The following BRPF3 variants were observed in gnomAD, a reference collection of about 807,000 sequenced individuals.
The protein encoded by BRPF3 is bromodomain and PHD finger containing 3.
A neutral mutation model predicts 102.0 loss-of-function variants in BRPF3; 18 were observed. The observed-to-expected ratio is 0.18, with a 90% CI of 0.12 to 0.26. The LOEUF is 0.26. BRPF3 is among the 10% of genes least tolerant of loss of function. The probability of loss-of-function intolerance (pLI) is 1.00; values close to 1 mark genes in which losing one functional copy is unlikely to be tolerated. For missense variants in BRPF3, 1,147 were observed against 1,567.8 expected, an observed-to-expected ratio of 0.73 and a Z score of 4.53; for synonymous variants, 570 against 614.2, an observed-to-expected ratio of 0.93 and a Z score of 1.06.
intron 3 of BRPF3, among the ~76,000 whole-genome samples, chr6:36,205,066 G>A (rs1581950792): frequency 6.6e-6 from 1 of 152,228 alleles, no homozygotes; most frequent in East Asian, 1.9e-4. Context: ...TTCCATATAT[G>A]TGGGGAAAAT....
chr6:36,202,417 C>T (rs556775150), intron 2 of BRPF3, among the ~76,000 whole-genome samples: 6 of 140,594 alleles, frequency 4.3e-5, no homozygotes, highest in Non-Finnish European at 7.9e-5. Flanking sequence ...TGGACCCCCC[C>T]CCCCTCCGCC....
chr6:36,197,197 T>TC (rs113889420), intron 1 of BRPF3: 4,288 of 145,850 alleles, frequency 0.029, 137 homozygotes, highest in African/African-American at 0.076. Context: ...CCATCTTGTC[T>TC]CCCCCCCCAG....
Position 36,217,984 on chromosome 6 carries a change from T to G in BRPF3, c.3057T>G (p.Ser1019Arg), listed in dbSNP as rs756233186. 1 of 1,613,506 alleles carries G rather than the reference T, an allele frequency of 6.2e-7. No homozygotes were observed. The highest frequency in any genetic ancestry group is 8.5e-7 in the Non-Finnish European group (1 of 1,179,770). ...ACTCTGAATGTAGTTTGGGTCTCAG[T>G]GGTGGACTGGCATTTGAAGCTTGCA... is the stretch of plus-strand genomic sequence containing the variant. ...GSDSECSLGL[S>R]GGLAFEACSG... The change falls in exon 9 of 13, where the codon AGT (serine) becomes AGG (arginine). Residue 1019 changes from serine (S) to arginine (R), a missense_variant. Physicochemically the swap from Ser to Arg is moderately radical, Grantham distance 110. This residue lies in a region of BRPF3 where 379 missense variants were observed against 426.3 expected (regional missense o/e 0.89). Transcript: ENST00000357641.
rs1215362976 is a variant in BRPF3, at chr6:36,231,758, T to A, written c.*1149T>A. ...TTTTATTTCAAACCCTCTGCCTCCT[T>A]CCTTCTTTCTCTTCAACCCCCTCCC... On this transcript the variant is annotated 3_prime_UTR_variant, in exon 13 of 13. Transcript: ENST00000357641. 1.3e-5 allele frequency: 2 copies of A among 152,420 alleles called. No individual in the cohort carries two copies. Among genetic ancestry groups the A allele is most frequent in the Non-Finnish European group, 2.9e-5 (2 of 68,064 alleles). 9.4% of individuals were successfully genotyped at this position (152,420 alleles called of 1,614,324 possible).
At position 36,230,678 on chromosome 6, in the gene BRPF3, C is replaced by T. The variant is rs1768909960; in HGVS notation, c.*69C>T. 2.6e-6 allele frequency: 4 copies of T among 1,531,004 alleles called. No individual in the cohort carries two copies. The highest frequency in any genetic ancestry group is 3.5e-6 in the Non-Finnish European group (4 of 1,130,052). The allele number at this position is 1,531,004 out of a possible 1,614,324, so 94.8% of individuals were successfully genotyped here. On this transcript the variant is annotated 3_prime_UTR_variant, in exon 13 of 13. Transcript: ENST00000357641. This position sits in a 1 kb window ranked among gnomAD's most constrained non-coding sequence, Gnocchi z 5.4. ...CAGGGCACAGAGAAGCCTCTTCTGC[C>T]CCTGCCAGATGTATGGCCGGCAGCT...
chr6:36,230,662 G>C lies in BRPF3; in HGVS notation c.*53G>C. On this transcript the variant is annotated 3_prime_UTR_variant, in exon 13 of 13. Coordinates refer to ENST00000357641, the MANE Select transcript of BRPF3 (RefSeq NM_015695.3). The surrounding 1 kb of genome is among the most constrained non-coding windows in gnomAD (Gnocchi z 5.4). Reference sequence around the variant, plus strand: ...CCCTGCCTCCATCCCGCAGGGCACAGAGAAGCCTCTTCTGCCCCTGCCAGA... The same window carrying C: ...CCCTGCCTCCATCCCGCAGGGCACACAGAAGCCTCTTCTGCCCCTGCCAGA... 4.4e-6 allele frequency: 7 copies of C among 1,573,954 alleles called. No homozygotes were observed. The highest frequency in any genetic ancestry group is 5.2e-6 in the Non-Finnish European group (6 of 1,154,652).
At position 36,209,872 on chromosome 6, in the gene BRPF3, A is replaced by G. The variant is rs769661036; in HGVS notation, c.1823A>G (p.Lys608Arg). 35 of 1,614,070 alleles carry G rather than the reference A, an allele frequency of 2.2e-5. No homozygotes were observed. The African/African-American group carries it at 3.2e-4, about 15-fold the overall frequency. Residue 608 changes from lysine (K) to arginine (R), a missense_variant, in exon 5 of 13, where the codon AAG (lysine) becomes AGG (arginine). Coordinates refer to ENST00000357641, the MANE Select transcript of BRPF3 (RefSeq NM_015695.3). ...ACAACACTGGACCTGCTGCAGGAGA[A>G]GGATCCTGCACACATCTTCGCAGAA... ...LRTTLDLLQEKDPAHIFAEPV... is the reference protein window; with the variant it reads ...LRTTLDLLQERDPAHIFAEPV...
intron 4 of BRPF3, among the ~76,000 whole-genome samples, chr6:36,208,182 G>A (rs1767972413): frequency 6.6e-6 from 1 of 152,214 alleles, no homozygotes; most frequent in Non-Finnish European, 1.5e-5. Flanking sequence ...GTCAGCTGCT[G>A]TCATTATTAT....
chr6:36,218,050 A>C (rs759019570), intron 9 of BRPF3, 40 bp downstream of exon 9: 13 of 1,553,178 alleles, frequency 8.4e-6, no homozygotes, highest in Admixed American at 5.2e-5. Flanking sequence ...CAGCTCTGCT[A>C]CCCCTCCTTT....
intron 2 of BRPF3, 157 bp from the exon 3 acceptor site, chr6:36,204,501 T>G (rs570547253): frequency 2.6e-6 from 2 of 765,650 alleles, no homozygotes; most frequent in South Asian, 3.2e-5. Context: ...AACTTTACTG[T>G]CCTTTTCAAG....
intron 7 of BRPF3, 44 bp downstream of exon 7, chr6:36,211,604 G>C (rs1310293741): frequency 6.5e-7 from 1 of 1,537,598 alleles, no homozygotes; most frequent in South Asian, 1.2e-5. Flanking sequence ...AGGGTAAAGA[G>C]GGACAAAGGC....
Position 36,200,297 on chromosome 6 carries a change from G to T in BRPF3, c.-26G>T. 1.2e-6 allele frequency: 2 copies of T among 1,603,430 alleles called. No individual in the cohort carries two copies. The highest frequency in any genetic ancestry group is 1.7e-6 in the Non-Finnish European group (2 of 1,174,746). Reference sequence around the variant, plus strand: ...TAGTCTCCTGGCCTTCTCTCCTTAGGCCTGTCCCCTCAGTTCCCAGGTGCC... The same window carrying T: ...TAGTCTCCTGGCCTTCTCTCCTTAGTCCTGTCCCCTCAGTTCCCAGGTGCC... On this transcript the variant is annotated splice_region_variant and 5_prime_UTR_variant, in exon 2 of 13. Coordinates refer to ENST00000357641, the MANE Select transcript of BRPF3 (RefSeq NM_015695.3). The surrounding 1 kb of genome is among the most constrained non-coding windows in gnomAD (Gnocchi z 5.3).
chr6:36,211,221 T>C lies in BRPF3; in HGVS notation c.2180-37T>C, dbSNP rs1291307220. On this transcript the variant is annotated intron_variant, in intron 6 of 12. Transcript: ENST00000357641. The stretch of plus-strand genomic sequence containing the variant: ...TTTCTCTTGCCCTGTGCTGGGCAGG[T>C]CCTTCAGCCCCTTCTGTCCTCCCTT... 4 of 1,594,732 alleles carry C rather than the reference T, an allele frequency of 2.5e-6. No homozygotes were observed. The Admixed American group carries it at 5.1e-5, about 20-fold the overall frequency.
chr6:36,226,356 A>G (rs1240036167), intron 11 of BRPF3, among the ~76,000 whole-genome samples: 2 of 152,178 alleles, frequency 1.3e-5, no homozygotes, highest in East Asian at 3.8e-4. Flanking sequence ...TACCACCTTG[A>G]TTGTTATTTC....
intron 9 of BRPF3, 94 bp from the exon 10 acceptor site, chr6:36,222,074 A>G: frequency 8.0e-7 from 1 of 1,253,378 alleles, no homozygotes; most frequent in Non-Finnish European, 1.1e-6. Flanking sequence ...TTGCAGCTCC[A>G]CTCCTGTCAG....
At chr6:36,228,219 G>A (rs1021017682) in intron 11 of BRPF3, among the ~76,000 whole-genome samples, 1 of 152,232 alleles carries the variant, frequency 6.6e-6, no homozygotes, top group Non-Finnish European at 1.5e-5. Flanking sequence ...ATAATTAGGA[G>A]CTTTGGAAAC....
rs764237669 is a variant in BRPF3 at position 36,201,648 on chromosome 6, G to A, written c.1326G>A (p.Lys442=). The part of the protein sequence containing the change: ...EAQGGVSGSL[K]GVPKKSKMSL... ...AAGGCGGGGTGAGTGGCTCCCTCAAGGGAGTGCCCAAGAAAAGCAAGATGA... is the reference window on the plus strand; with the variant it reads ...AAGGCGGGGTGAGTGGCTCCCTCAAAGGAGTGCCCAAGAAAAGCAAGATGA... Residue 442 remains lysine (K), a synonymous_variant, in exon 2 of 13, where the codon AAG becomes AAA. Coordinates refer to ENST00000357641, the MANE Select transcript of BRPF3 (RefSeq NM_015695.3). This position sits in a 1 kb window ranked among gnomAD's most constrained non-coding sequence, Gnocchi z 5.1. 1 of 1,614,202 alleles carries A rather than the reference G, an allele frequency of 6.2e-7. No individual in the cohort carries two copies. The highest frequency in any genetic ancestry group is 1.1e-5 in the South Asian group (1 of 91,086).
intron 6 of BRPF3, 83 bp from the exon 7 acceptor site, chr6:36,211,174 TG>T: frequency 7.0e-7 from 1 of 1,424,220 alleles, no homozygotes; most frequent in South Asian, 1.3e-5. Flanking sequence ...GAGAGAGTTT[TG>T]CATCCGAAGG....
chr6:36,228,868 C>G, intron 11 of BRPF3, 34 bp from the exon 12 acceptor site: 1 of 1,612,226 alleles, frequency 6.2e-7, no homozygotes, highest in Non-Finnish European at 8.5e-7. Context: ...CCTGGCCTCC[C>G]TCACTGAGTG....
Sources: allele counts gnomAD v4.1 joint callset (sites outside exome capture counted in the v4.1 genomes callset), GRCh38; gene constraint gnomAD v4.1.1; regional missense constraint gnomAD v4.1.1; non-coding constraint Gnocchi (gnomAD v3.1); transcripts MANE v1.5; gene names NCBI Gene and HGNC (gene_info 2026-07-23, HGNC 2026-07-21).